The following ASAP1 variants were observed in gnomAD, a reference collection of about 807,000 sequenced individuals.
ASAP1 encodes the protein arf-GAP with SH3 domain, ANK repeat and PH domain-containing protein 1.
Under a neutral mutation model 145.2 loss-of-function variants are expected in ASAP1, and 43 were observed. The ratio of observed to expected loss-of-function variants is 0.30; its 90% CI spans 0.23 to 0.38. The LOEUF is 0.38. Ranked by LOEUF, ASAP1 falls within the 10% of genes least tolerant of loss-of-function variation. The pLI is 1.00. For synonymous variants in ASAP1, 546 were observed against 515.5 expected (o/e 1.06, Z -0.80); for missense variants, 1,018 against 1,355.3 (o/e 0.75, Z 3.91).
chr8:130,059,763 T>C (rs749437908), intron 28 of ASAP1, among the ~76,000 whole-genome samples: 14 of 152,082 alleles, frequency 9.2e-5, no homozygotes, highest in Non-Finnish European at 1.8e-4. Flanking sequence ...TTTAGGAAGA[T>C]GCAGCGAGAA....
intron 7 of ASAP1, among the ~76,000 whole-genome samples, chr8:130,182,220 A>G (rs752171186): frequency 1.3e-5 from 2 of 152,228 alleles, no homozygotes; most frequent in Non-Finnish European, 2.9e-5. Context: ...ATGGTGACTT[A>G]AACATACATG....
At chr8:130,320,981 A>G (rs988712449) in intron 3 of ASAP1, among the ~76,000 whole-genome samples, 6 of 152,192 alleles carry the variant, frequency 3.9e-5, no homozygotes, top group Admixed American at 1.3e-4. Flanking sequence ...AGACAACCAG[A>G]AATTTGAGAA....
intron 3 of ASAP1, among the ~76,000 whole-genome samples, chr8:130,337,664 C>G (rs755667292): frequency 2.0e-5 from 3 of 152,176 alleles, no homozygotes; most frequent in Non-Finnish European, 2.9e-5. Context: ...CTAGCCAAAC[C>G]TCATCCACAA....
intron 3 of ASAP1, among the ~76,000 whole-genome samples, chr8:130,325,364 G>A (rs191660083): frequency 3.7e-4 from 56 of 152,322 alleles, no homozygotes; most frequent in African/African-American, 1.3e-3. Context: ...AGTGCACAGT[G>A]AGAAAAGACC....
chr8:130,126,756 C>T (rs997177574), intron 16 of ASAP1, among the ~76,000 whole-genome samples: 2 of 152,186 alleles, frequency 1.3e-5, no homozygotes, highest in Non-Finnish European at 2.9e-5. Context: ...CATACATGTA[C>T]ACAATAATGG....
intron 1 of ASAP1, among the ~76,000 whole-genome samples, chr8:130,427,189 C>G (rs942679055): frequency 6.6e-6 from 1 of 152,054 alleles, no homozygotes. Context: ...AGCTGAGAAG[C>G]CTTTACCTGC....
intron 3 of ASAP1, among the ~76,000 whole-genome samples, chr8:130,274,735 A>G (rs956401624): frequency 1.3e-5 from 2 of 152,218 alleles, no homozygotes; most frequent in Non-Finnish European, 1.5e-5. Flanking sequence ...CCAGGCACAG[A>G]GCAGATGTAT....
At chr8:130,158,513 C>T (rs528990145) in intron 12 of ASAP1, among the ~76,000 whole-genome samples, 1 of 152,140 alleles carries the variant, frequency 6.6e-6, no homozygotes, top group South Asian at 2.1e-4. Flanking sequence ...AAGGTCCTGT[C>T]CCCTCCCTCC....
intron 9 of ASAP1, among the ~76,000 whole-genome samples, chr8:130,169,639 C>T (rs1813442397): frequency 6.6e-6 from 1 of 152,226 alleles, no homozygotes; most frequent in Non-Finnish European, 1.5e-5. Flanking sequence ...CACATGGTTG[C>T]ATGACTTCAC....
At chr8:130,115,194 C>A (rs2097553188) in intron 23 of ASAP1, among the ~76,000 whole-genome samples, 1 of 152,172 alleles carries the variant, frequency 6.6e-6, no homozygotes, top group African/African-American at 2.4e-5. Flanking sequence ...AAGGGAACTA[C>A]CCTTCATGAT....
intron 12 of ASAP1, among the ~76,000 whole-genome samples, chr8:130,159,029 C>T (rs2097663723): frequency 6.6e-6 from 1 of 152,094 alleles, no homozygotes; most frequent in Non-Finnish European, 1.5e-5. Context: ...CCGCGCCCGG[C>T]TGTGCTTTAT....
intron 3 of ASAP1, among the ~76,000 whole-genome samples, chr8:130,237,273 A>G (rs1818270809): frequency 6.6e-6 from 1 of 152,144 alleles, no homozygotes; most frequent in Admixed American, 6.6e-5. Flanking sequence ...GAAAGACAGT[A>G]CAAGACACTG....
intron 12 of ASAP1, among the ~76,000 whole-genome samples, 176 bp downstream of exon 12, chr8:130,159,688 T>A (rs2097665268): frequency 6.6e-6 from 1 of 152,118 alleles, no homozygotes; most frequent in African/African-American, 2.4e-5. Flanking sequence ...ACAGAGCAAT[T>A]ACTGTTTCTT....
chr8:130,312,277 T>TAA (rs10602064), intron 3 of ASAP1, among the ~76,000 whole-genome samples: 5 of 136,404 alleles, frequency 3.7e-5, no homozygotes, highest in Admixed American at 7.4e-5. Context: ...ACCCTGTCTT[T>TAA]AAAAAAAAAA....
intron 2 of ASAP1, among the ~76,000 whole-genome samples, chr8:130,382,759 T>C (rs1042484534): frequency 6.6e-6 from 1 of 151,860 alleles, no homozygotes; most frequent in African/African-American, 2.4e-5. Context: ...GCAGGAGAAT[T>C]GCTTGAACAT....
intron 27 of ASAP1, among the ~76,000 whole-genome samples, chr8:130,065,019 C>T (rs1275742404): frequency 6.6e-6 from 1 of 151,730 alleles, no homozygotes; most frequent in Non-Finnish European, 1.5e-5. Flanking sequence ...GGACTACAGG[C>T]CTGTGTCACC....
At chr8:130,236,090 A>G (rs2136663022) in intron 4 of ASAP1, among the ~76,000 whole-genome samples, 1 of 152,098 alleles carries the variant, frequency 6.6e-6, no homozygotes, top group East Asian at 1.9e-4. Flanking sequence ...GAAAGCCCAC[A>G]TCTGTCCAAC....
intron 3 of ASAP1, among the ~76,000 whole-genome samples, chr8:130,325,974 T>C (rs1824301391): frequency 6.6e-6 from 1 of 152,236 alleles, no homozygotes; most frequent in Admixed American, 6.5e-5. Context: ...TTAAGTACTA[T>C]CATTATCCCC....
chr8:130,055,297 GA>G (rs550577973), intron 29 of ASAP1, among the ~76,000 whole-genome samples: 1,654 of 74,338 alleles, frequency 0.022, 13 homozygotes, highest in Non-Finnish European at 0.031. Context: ...ATTTAAAAAA[GA>G]AAAAAAAAAA....
Sources: allele counts gnomAD v4.1 joint callset (sites outside exome capture counted in the v4.1 genomes callset), GRCh38; gene constraint gnomAD v4.1.1; transcripts MANE v1.5; gene names NCBI Gene and HGNC (gene_info 2026-07-23, HGNC 2026-07-21).